Variants in ESRRG observed in about 807,000 individuals in gnomAD.
ESRRG encodes estrogen related receptor gamma.
A neutral mutation model predicts 44.0 loss-of-function variants in ESRRG; 13 were observed. The observed-to-expected ratio is 0.30, with a 90% CI of 0.19 to 0.47. ESRRG has a LOEUF of 0.47. Among genes scored for constraint, ESRRG ranks in the 20% least tolerant of loss-of-function variants. The probability of loss-of-function intolerance (pLI) is 1.00; values close to 1 mark genes in which losing one functional copy is unlikely to be tolerated. For synonymous variants in ESRRG, 215 were observed against 214.6 expected (o/e 1.00, Z -0.02); for missense variants, 395 against 580.6 (o/e 0.68, Z 3.29).
At chr1:216,676,108 A>AT (rs915681946) in intron 2 of ESRRG, among the ~76,000 whole-genome samples, 30 of 152,204 alleles carry the variant, frequency 2.0e-4, no homozygotes, top group African/African-American at 7.2e-4. Flanking sequence ...CTCAAAATAT[A>AT]TTTTTTTCTT....
intron 2 of ESRRG, among the ~76,000 whole-genome samples, chr1:216,674,990 A>C (rs2075838580): frequency 6.6e-6 from 1 of 152,164 alleles, no homozygotes; most frequent in African/African-American, 2.4e-5. Context: ...AGCAAGGGAG[A>C]GCCAGTACAA....
chr1:216,521,152 T>G (rs2045973421), intron 5 of ESRRG, among the ~76,000 whole-genome samples: 1 of 152,162 alleles, frequency 6.6e-6, no homozygotes, highest in Non-Finnish European at 1.5e-5. Context: ...GTGTAAGTCT[T>G]GTTTCTTATT....
At chr1:216,667,951 G>A (rs1219465900) in intron 2 of ESRRG, among the ~76,000 whole-genome samples, 1 of 151,422 alleles carries the variant, frequency 6.6e-6, no homozygotes. Context: ...ACAAAAATTA[G>A]CCAGGTGTAG....
chr1:216,905,043 A>G (rs1468211405), intron 2 of ESRRG, among the ~76,000 whole-genome samples: 1 of 152,166 alleles, frequency 6.6e-6, no homozygotes, highest in Non-Finnish European at 1.5e-5. Flanking sequence ...TATAGGCTGA[A>G]TTTTCCTTCA....
intron 1 of ESRRG, among the ~76,000 whole-genome samples, chr1:217,055,511 C>A (rs1465816098): frequency 6.6e-6 from 1 of 152,140 alleles, no homozygotes; most frequent in Non-Finnish European, 1.5e-5. Context: ...AACATTTCCA[C>A]TTAACACCCT....
chr1:216,550,507 C>T (rs2055966887), intron 5 of ESRRG, among the ~76,000 whole-genome samples: 2 of 152,122 alleles, frequency 1.3e-5, no homozygotes, highest in African/African-American at 2.4e-5. Flanking sequence ...ATATCCCTGA[C>T]TAAGCAGCCT....
chr1:216,516,626 CACACACACAT>C (rs1357478316), intron 6 of ESRRG, among the ~76,000 whole-genome samples: 1 of 138,092 alleles, frequency 7.2e-6, no homozygotes, highest in Non-Finnish European at 1.5e-5. Flanking sequence ...AATTCCTAAA[CACACACACAT>C]ACACACACAC....
chr1:216,581,732 A>G (rs1011371374), intron 3 of ESRRG, among the ~76,000 whole-genome samples: 3 of 152,224 alleles, frequency 2.0e-5, no homozygotes, highest in African/African-American at 7.2e-5. Context: ...GCTCAGTGCC[A>G]GTTAGATATT....
intron 2 of ESRRG, among the ~76,000 whole-genome samples, chr1:216,930,719 A>C (rs987464144): frequency 1.8e-4 from 27 of 152,320 alleles, no homozygotes; most frequent in African/African-American, 6.3e-4. Context: ...ACACTTCAAC[A>C]TCCAGATTTC....
intron 2 of ESRRG, among the ~76,000 whole-genome samples, chr1:216,920,178 T>C (rs1430774777): frequency 2.0e-5 from 3 of 152,138 alleles, no homozygotes; most frequent in Admixed American, 6.5e-5. Context: ...CTACAAAAAG[T>C]GTTTGTTTAG....
At chr1:216,578,448 A>G (rs1444609411) in intron 3 of ESRRG, among the ~76,000 whole-genome samples, 1 of 152,118 alleles carries the variant, frequency 6.6e-6, no homozygotes, top group Admixed American at 6.6e-5. Flanking sequence ...CTTGGTTGCA[A>G]GCCACAGTCT....
At chr1:216,526,747 C>A (rs529557357) in intron 5 of ESRRG, among the ~76,000 whole-genome samples, 3 of 152,072 alleles carry the variant, frequency 2.0e-5, no homozygotes, top group African/African-American at 7.2e-5. Flanking sequence ...AATAACAAAC[C>A]GAGCTAATCA....
intron 3 of ESRRG, among the ~76,000 whole-genome samples, chr1:216,646,014 G>C (rs537266966): frequency 2.0e-5 from 3 of 151,614 alleles, no homozygotes; most frequent in Non-Finnish European, 4.4e-5. Flanking sequence ...CTCCCTCTCT[G>C]CTTTCTCTTC....
chr1:216,779,305 CATT>C (rs1370137567), intron 2 of ESRRG, among the ~76,000 whole-genome samples: 2 of 17,630 alleles, frequency 1.1e-4, no homozygotes, highest in African/African-American at 3.1e-4. Context: ...TATTTATAAA[CATT>C]ATATTTATAA....
intron 1 of ESRRG, among the ~76,000 whole-genome samples, chr1:216,941,709 T>C (rs2065251608): frequency 2.6e-5 from 4 of 152,058 alleles, no homozygotes; most frequent in Admixed American, 2.6e-4. Flanking sequence ...TGACAACTAA[T>C]CCAGATGAAA....
intron 2 of ESRRG, among the ~76,000 whole-genome samples, chr1:216,875,935 A>G (rs2096345127): frequency 6.6e-6 from 1 of 152,186 alleles, no homozygotes; most frequent in Non-Finnish European, 1.5e-5. Context: ...AGCCTTATTT[A>G]GAGGGAAATA....
chr1:216,553,808 C>G (rs760894495), intron 5 of ESRRG, among the ~76,000 whole-genome samples: 2 of 151,722 alleles, frequency 1.3e-5, no homozygotes, highest in Non-Finnish European at 2.9e-5. Context: ...CTGACACTCG[C>G]TATAGGAAAA....
chr1:216,984,196 C>T (rs1413047885), intron 1 of ESRRG, among the ~76,000 whole-genome samples: 1 of 152,022 alleles, frequency 6.6e-6, no homozygotes, highest in Non-Finnish European at 1.5e-5. Context: ...TTCTGGGAGC[C>T]CCTGGCAGGA....
At chr1:216,702,058 A>G (rs1055318389) in intron 1 of ESRRG, among the ~76,000 whole-genome samples, 1 of 152,220 alleles carries the variant, frequency 6.6e-6, no homozygotes, top group Non-Finnish European at 1.5e-5. Context: ...TTGCTAGATA[A>G]TTATAAAGTC....
Sources: gnomAD v4.1 joint callset for allele counts (sites outside exome capture counted in the v4.1 genomes callset) on GRCh38, gnomAD v4.1.1 for gene constraint, MANE v1.5 for transcripts, NCBI Gene and HGNC (gene_info 2026-07-23, HGNC 2026-07-21) for gene names.